PHACTR1: variants seen among roughly 807,000 people sequenced by gnomAD.
PHACTR1 encodes the protein RPEL repeat containing 1.
In PHACTR1, 16 loss-of-function variants were observed where a neutral mutation model predicts 69.2. That is an observed-to-expected ratio of 0.23 (90% CI 0.16 to 0.35). The LOEUF is 0.35. PHACTR1 is among the 10% of genes least tolerant of loss of function. PHACTR1 has a pLI of 1.00. For missense variants in PHACTR1, 510 were observed against 734.7 expected, an observed-to-expected ratio of 0.69 and a Z score of 3.54; for synonymous variants, 312 against 284.5, an observed-to-expected ratio of 1.10 and a Z score of -0.97.
At chr6:13,121,901 ATGCATC>A in intron 5 of PHACTR1, among the ~76,000 whole-genome samples, 1 of 152,370 alleles carries the variant, frequency 6.6e-6, no homozygotes, top group African/African-American at 2.4e-5. Flanking sequence ...AGTTCAGAAA[ATGCATC>A]ATGCAATGTG....
chr6:12,814,684 G>A (rs1276945483), intron 4 of PHACTR1, among the ~76,000 whole-genome samples: 3 of 141,658 alleles, frequency 2.1e-5, no homozygotes, highest in Non-Finnish European at 4.6e-5. Context: ...CCCACCAAAT[G>A]TTCTACAAAT....
rs538449258 is a variant in PHACTR1, at chr6:13,246,942, A to G, written c.1391+16749A>G. Among the ~76,000 whole-genome samples the G allele has an allele frequency of 1.2e-4, 19 of 152,332 alleles. No individual in the cohort carries two copies. Among genetic ancestry groups the G allele is most frequent in the Admixed American group, 1.3e-4 (2 of 15,296 alleles). On this transcript the variant is annotated intron_variant, in intron 10 of 14. Transcript: ENST00000332995. The surrounding 1 kb of genome is among the most constrained non-coding windows in gnomAD (Gnocchi z 4.2). ...CTTTTATAATGGCCTCAAAAATTGCATACATGCCTAACTAAATAGTAATTT... is the reference window on the plus strand; with the variant it reads ...CTTTTATAATGGCCTCAAAAATTGCGTACATGCCTAACTAAATAGTAATTT...
At chr6:12,920,319 G>A (rs1323863001) in intron 4 of PHACTR1, among the ~76,000 whole-genome samples, 3 of 152,218 alleles carry the variant, frequency 2.0e-5, no homozygotes, top group Non-Finnish European at 4.4e-5. Flanking sequence ...CCAATAAATT[G>A]TAGAAGGCTT....
intron 6 of PHACTR1, among the ~76,000 whole-genome samples, chr6:13,171,926 C>T (rs553603500): frequency 2.0e-5 from 3 of 152,248 alleles, no homozygotes; most frequent in East Asian, 3.9e-4. Context: ...CCACCATGCC[C>T]GGCTAATTTT....
At chr6:12,978,612 C>T (rs1338797866) in intron 4 of PHACTR1, among the ~76,000 whole-genome samples, 5 of 152,186 alleles carry the variant, frequency 3.3e-5, no homozygotes, top group Admixed American at 6.5e-5. Flanking sequence ...ATCTGGGATA[C>T]GTTGTTGCTC....
At position 13,111,624 on chromosome 6, in the gene PHACTR1, T is replaced by G. The variant is rs369848425; in HGVS notation, c.416-48580T>G. Among the ~76,000 whole-genome samples the G allele has an allele frequency of 2.6e-5, 4 of 152,310 alleles. No individual in the cohort carries two copies. In the East Asian group the frequency reaches 7.7e-4, roughly 29 times the overall value. ...ATTTGAGATGTTTACTTCCTACTCT[T>G]AAGTTAGACTCTTACTCCAACTCTC... On this transcript the variant is annotated intron_variant, in intron 5 of 14. Transcript: ENST00000332995.
chr6:13,060,821 C>T (rs757291544), intron 5 of PHACTR1, among the ~76,000 whole-genome samples: 1 of 152,050 alleles, frequency 6.6e-6, no homozygotes, highest in Non-Finnish European at 1.5e-5. Flanking sequence ...TGGTACAGCT[C>T]ATAGTTGGGT....
intron 3 of PHACTR1, among the ~76,000 whole-genome samples, chr6:12,743,367 T>C (rs572023383): frequency 6.6e-6 from 1 of 152,288 alleles, no homozygotes; most frequent in East Asian, 1.9e-4. Flanking sequence ...CTTGCCCTGA[T>C]TATTTGTATA....
At chr6:13,218,852 GAA>G (rs58480715) in intron 8 of PHACTR1, among the ~76,000 whole-genome samples, 29 of 128,244 alleles carry the variant, frequency 2.3e-4, no homozygotes, top group South Asian at 2.6e-4. Context: ...GGAGGAGGAG[GAA>G]AGAGAAGAGA....
chr6:12,988,329 G>A (rs1796432285), intron 4 of PHACTR1, among the ~76,000 whole-genome samples: 2 of 152,216 alleles, frequency 1.3e-5, no homozygotes, highest in Admixed American at 6.5e-5. Flanking sequence ...AAAGTGTTAT[G>A]TGGCACGAAG....
chr6:13,272,916 G>A lies in PHACTR1; in HGVS notation c.1447+1G>A. 1 of 1,614,040 alleles carries A rather than the reference G, an allele frequency of 6.2e-7. No homozygotes were observed. Among genetic ancestry groups the A allele is most frequent in the Admixed American group, 1.7e-5 (1 of 60,016 alleles). On this transcript the variant is annotated splice_donor_variant, in intron 11 of 14. Coordinates refer to ENST00000332995, the MANE Select transcript of PHACTR1 (RefSeq NM_030948.6). LOFTEE classifies it high-confidence loss of function. ...CTGGAACAGAGGAACATTTTGAAAC[G>A]TAAGTGACTAAGCCCATGGCAATCC...
chr6:12,863,205 T>C (rs1015960063), intron 4 of PHACTR1, among the ~76,000 whole-genome samples: 1 of 152,234 alleles, frequency 6.6e-6, no homozygotes, highest in Non-Finnish European at 1.5e-5. Flanking sequence ...ACAGACTGGG[T>C]AACTCAAAGA....
intron 10 of PHACTR1, among the ~76,000 whole-genome samples, chr6:13,252,608 CTGT>C (rs1774627513): frequency 6.8e-6 from 1 of 146,376 alleles, no homozygotes; most frequent in Non-Finnish European, 1.5e-5. Flanking sequence ...TGCCATGCTG[CTGT>C]TATTAAAAAA....
chr6:12,990,632 A>G (rs550719536), intron 4 of PHACTR1, among the ~76,000 whole-genome samples: 1 of 152,342 alleles, frequency 6.6e-6, no homozygotes, highest in African/African-American at 2.4e-5. Context: ...TTTGCTGTCT[A>G]TGGATGGCTA....
intron 5 of PHACTR1, among the ~76,000 whole-genome samples, chr6:13,073,225 C>CAAA (rs58555118): frequency 2.2e-4 from 26 of 119,696 alleles, no homozygotes; most frequent in South Asian, 4.8e-4. Context: ...ACAGGATTAA[C>CAAA]AAAAAAAAAA....
At chr6:12,813,570 C>T (rs759013980) in intron 4 of PHACTR1, among the ~76,000 whole-genome samples, 4 of 152,196 alleles carry the variant, frequency 2.6e-5, no homozygotes, top group Non-Finnish European at 5.9e-5. Context: ...TGTGCTCCTG[C>T]CATCCCAAAC....
chr6:13,192,725 T>C (rs1050972487), intron 7 of PHACTR1, among the ~76,000 whole-genome samples: 3 of 152,338 alleles, frequency 2.0e-5, no homozygotes, highest in African/African-American at 7.2e-5. Context: ...TCCTTCCTTT[T>C]GCATATTTTC....
Position 12,718,751 on chromosome 6 carries a change from T to C in PHACTR1, c.7T>C (p.Tyr3His). 6.5e-7 allele frequency: 1 copy of C among 1,541,054 alleles called. No homozygotes were observed. The highest frequency in any genetic ancestry group is 8.8e-7 in the Non-Finnish European group (1 of 1,136,116). The change falls in exon 3 of 15, where the codon TAT becomes CAT. Residue 3 changes from tyrosine to histidine, a missense_variant. Tyr to His is a moderately conservative substitution (Grantham distance 83, BLOSUM62 2). Coordinates refer to ENST00000332995, the MANE Select transcript of PHACTR1 (RefSeq NM_030948.6). MDYPKMDYFLDVE... is the reference protein window; with the variant it reads MDHPKMDYFLDVE... Reference sequence around the variant, plus strand: ...TGTGTTTGGAACATCAAGGATGGATTATCCCAAAATGGATTATTTTCTGGA... The same window carrying C: ...TGTGTTTGGAACATCAAGGATGGATCATCCCAAAATGGATTATTTTCTGGA...
rs74581597 is a variant in PHACTR1 at position 12,898,313 on chromosome 6, C to T, written c.250+148523C>T. ...CCACTCCTTCGTCTCCAAATACCGACGGGAGCTGATGACTCTCAAAGCTCC... is the reference window on the plus strand; with the variant it reads ...CCACTCCTTCGTCTCCAAATACCGATGGGAGCTGATGACTCTCAAAGCTCC... On this transcript the variant is annotated intron_variant, in intron 4 of 14. Coordinates refer to ENST00000332995, the MANE Select transcript of PHACTR1 (RefSeq NM_030948.6). Among the ~76,000 whole-genome samples the T allele has an allele frequency of 8.8e-3, 1,335 of 152,186 alleles. 34 individuals are homozygous for T. The South Asian group carries it at 0.1, about 11-fold the overall frequency.
Sources: gnomAD v4.1 joint callset for allele counts (sites outside exome capture counted in the v4.1 genomes callset) on GRCh38, gnomAD v4.1.1 for gene constraint, Gnocchi (gnomAD v3.1) non-coding constraint, MANE v1.5 for transcripts, NCBI Gene and HGNC (gene_info 2026-07-23, HGNC 2026-07-21) for gene names.